Variants in TLE4 observed in about 807,000 individuals in gnomAD.
TLE4 encodes transducin-like enhancer protein 4.
In TLE4, 8 loss-of-function variants were observed where a neutral mutation model predicts 92.8. The observed-to-expected ratio is 0.09, with a 90% CI of 0.05 to 0.16. The LOEUF is 0.16. Among genes scored for constraint, TLE4 ranks in the 10% least tolerant of loss-of-function variants. TLE4 has a pLI of 1.00. For synonymous variants in TLE4, 371 were observed against 374.1 expected (o/e 0.99, Z 0.10); for missense variants, 675 against 997.6 (o/e 0.68, Z 4.36).
Position 79,572,674 on chromosome 9 carries a change from G to A in TLE4, c.-117G>A, listed in dbSNP as rs1190047214. 12 of 987,640 alleles carry A rather than the reference G, an allele frequency of 1.2e-5. No homozygotes were observed. The highest frequency in any genetic ancestry group is 1.7e-5 in the African/African-American group (1 of 57,906). The allele number at this position is 987,640 out of a possible 1,614,324, so 61.2% of individuals were successfully genotyped here. ...GACCCGGCGGGGGCCGGGACCGCCC[G>A]AGCCGCCCCTCAGACCGAGCCGGCC... On this transcript the variant is annotated 5_prime_UTR_variant, in exon 1 of 20. Transcript: ENST00000376552.
chr9:79,644,635 G>T (rs1380253498), intron 6 of TLE4, among the ~76,000 whole-genome samples: 1 of 152,210 alleles, frequency 6.6e-6, no homozygotes, highest in Non-Finnish European at 1.5e-5. Flanking sequence ...CTTACAGACA[G>T]GAGCGAGGCC....
At chr9:79,626,074 C>T (rs2052537800) in intron 5 of TLE4, among the ~76,000 whole-genome samples, 1 of 152,040 alleles carries the variant, frequency 6.6e-6, no homozygotes, top group Admixed American at 6.5e-5. Context: ...ACACAAAATA[C>T]ACATTTCTAT....
In TLE4 at chr9:79,708,238, G is replaced by C. The variant is rs376010607; in HGVS notation, c.1057G>C (p.Val353Leu). ...LRPVPGKPPGVDPLASSLRTP... is the reference protein window; with the variant it reads ...LRPVPGKPPGLDPLASSLRTP... ...GCCTGTACCTGGAAAACCACCAGGA[G>C]TTGACCCTTTGGGTTAGTAAGAAAA... Residue 353 changes from valine to leucine, a missense_variant, in exon 12 of 20, where the codon GTT (valine) becomes CTT (leucine). Physicochemically the swap from Val to Leu is conservative, Grantham distance 32. Coordinates refer to ENST00000376552, the MANE Select transcript of TLE4 (RefSeq NM_007005.6). 6.2e-7 allele frequency: 1 copy of C among 1,613,966 alleles called. No individual in the cohort carries two copies. Among genetic ancestry groups the C allele is most frequent in the Non-Finnish European group, 8.5e-7 (1 of 1,179,980 alleles).
intron 6 of TLE4, among the ~76,000 whole-genome samples, chr9:79,640,484 A>G (rs28536739): frequency 0.14 from 20,851 of 151,936 alleles, 1,783 homozygotes; most frequent in African/African-American, 0.25. Context: ...GAAAAAAGCT[A>G]TAAGACAAAA....
chr9:79,625,629 T>G (rs1413264916), intron 5 of TLE4, among the ~76,000 whole-genome samples: 1 of 152,134 alleles, frequency 6.6e-6, no homozygotes, highest in East Asian at 1.9e-4. Flanking sequence ...GTCTTCAATG[T>G]GAACATGAGC....
intron 4 of TLE4, among the ~76,000 whole-genome samples, chr9:79,602,520 T>C (rs1303911068): frequency 6.6e-6 from 1 of 152,230 alleles, no homozygotes; most frequent in East Asian, 1.9e-4. Flanking sequence ...GCCTGTGTTC[T>C]ATAAATGGAA....
At chr9:79,573,464 C>A in intron 1 of TLE4, 1 of 1,035,870 alleles carries the variant, frequency 9.7e-7, no homozygotes, top group Non-Finnish European at 1.2e-6. Context: ...GTCCGGGGCG[C>A]GGGGGCCTGC....
At chr9:79,691,930 G>A (rs2067166779) in intron 8 of TLE4, among the ~76,000 whole-genome samples, 1 of 152,140 alleles carries the variant, frequency 6.6e-6, no homozygotes, top group African/African-American at 2.4e-5. Flanking sequence ...TAGAACCAGT[G>A]CTCTGTGAGA....
intron 1 of TLE4, chr9:79,573,352 G>A (rs753249152): frequency 5.4e-6 from 6 of 1,111,022 alleles, no homozygotes; most frequent in Non-Finnish European, 6.7e-6. Context: ...TCCCCCCGAC[G>A]GGCCAGTTTC....
intron 8 of TLE4, among the ~76,000 whole-genome samples, chr9:79,661,040 T>C (rs2060464003): frequency 6.6e-6 from 1 of 152,236 alleles, no homozygotes; most frequent in Non-Finnish European, 1.5e-5. Context: ...TAATTTCTAA[T>C]TTTCTTAATT....
intron 11 of TLE4, 138 bp from the exon 12 acceptor site, chr9:79,707,980 A>G (rs1358363839): frequency 1.1e-5 from 9 of 843,358 alleles, no homozygotes; most frequent in Middle Eastern, 2.5e-4. Flanking sequence ...TAACTTTTCT[A>G]TTAAAGAAAA....
intron 6 of TLE4, among the ~76,000 whole-genome samples, chr9:79,631,607 G>A (rs1414333632): frequency 8.9e-6 from 1 of 112,754 alleles, no homozygotes; most frequent in Non-Finnish European, 1.9e-5. Flanking sequence ...TCATATGATT[G>A]AACCTTAAAT....
chr9:79,699,061 T>C (rs2069038800), intron 8 of TLE4, among the ~76,000 whole-genome samples: 1 of 152,118 alleles, frequency 6.6e-6, no homozygotes, highest in Admixed American at 6.6e-5. Context: ...CGTAGGTTTA[T>C]TCAGGATATT....
intron 16 of TLE4, among the ~76,000 whole-genome samples, chr9:79,721,114 C>A (rs1235450383): frequency 6.6e-6 from 1 of 152,218 alleles, no homozygotes; most frequent in African/African-American, 2.4e-5. Context: ...CAAAACAAAT[C>A]ATCACTTTCA....
At chr9:79,630,231 G>A (rs2053814994) in intron 6 of TLE4, among the ~76,000 whole-genome samples, 1 of 152,212 alleles carries the variant, frequency 6.6e-6, no homozygotes, top group South Asian at 2.1e-4. Context: ...TGGTAAATGA[G>A]CCAAACGAGT....
At chr9:79,618,777 C>T (rs573181873) in intron 5 of TLE4, among the ~76,000 whole-genome samples, 1 of 152,292 alleles carries the variant, frequency 6.6e-6, no homozygotes, top group South Asian at 2.1e-4. Context: ...GGGGCCTGCA[C>T]TTGCACATGA....
At chr9:79,721,402 T>C (rs972036063) in intron 16 of TLE4, among the ~76,000 whole-genome samples, 7 of 152,218 alleles carry the variant, frequency 4.6e-5, no homozygotes, top group African/African-American at 1.7e-4. Flanking sequence ...AGTAATAGAA[T>C]AGGTCTCAGA....
intron 4 of TLE4, chr9:79,576,859 A>G (rs1405540738): frequency 2.6e-5 from 4 of 152,016 alleles, no homozygotes; most frequent in Non-Finnish European, 5.9e-5. Flanking sequence ...CGACTCAAAC[A>G]GTCTTCTTTT....
At chr9:79,713,676 A>G (rs550069102) in intron 14 of TLE4, among the ~76,000 whole-genome samples, 8 of 152,212 alleles carry the variant, frequency 5.3e-5, no homozygotes, top group African/African-American at 1.4e-4. Flanking sequence ...TACAAGTACC[A>G]TGTTTCTTTT....
Sources: gnomAD v4.1 joint callset for allele counts (sites outside exome capture counted in the v4.1 genomes callset) on GRCh38, gnomAD v4.1.1 for gene constraint, MANE v1.5 for transcripts, NCBI Gene and HGNC (gene_info 2026-07-23, HGNC 2026-07-21) for gene names.